The following CDH7 variants were observed in gnomAD, a reference collection of about 807,000 sequenced individuals.
CDH7 encodes the protein cadherin-7.
In CDH7, 25 loss-of-function variants were observed where a neutral mutation model predicts 71.8. The ratio of observed to expected loss-of-function variants is 0.35; its 90% CI spans 0.25 to 0.49. The LOEUF is 0.49. CDH7 is among the 20% of genes least tolerant of loss of function. CDH7 has a pLI of 0.99. For missense variants in CDH7, 862 were observed against 974.6 expected (o/e 0.88, Z 1.54); for synonymous variants, 381 against 363.8 (o/e 1.05, Z -0.54).
upstream of CDH7, chr18:65,750,825 C>A (rs1170758357): frequency 1.3e-5 from 2 of 152,398 alleles, no homozygotes; most frequent in African/African-American, 2.4e-5. Flanking sequence ...GCCGCGCGCT[C>A]CCGCTGGCTC....
At chr18:65,786,129 G>A (rs17783010) in intron 2 of CDH7, among the ~76,000 whole-genome samples, 51,092 of 151,716 alleles carry the variant, frequency 0.34, 8,877 homozygotes, top group Middle Eastern at 0.46. Context: ...AATTTTTACC[G>A]TATTATTTAA....
At chr18:65,780,893 G>A (rs1474561952) in intron 2 of CDH7, among the ~76,000 whole-genome samples, 1 of 147,504 alleles carries the variant, frequency 6.8e-6, no homozygotes, top group Non-Finnish European at 1.5e-5. Flanking sequence ...ACCCTTAACT[G>A]CCTTGTTTGC....
intron 2 of CDH7, among the ~76,000 whole-genome samples, chr18:65,783,720 G>C (rs1013962643): frequency 6.6e-6 from 1 of 152,220 alleles, no homozygotes; most frequent in African/African-American, 2.4e-5. Context: ...TATTTTATTA[G>C]TCTAACCTTT....
chr18:65,777,507 A>C (rs977496314), intron 2 of CDH7, among the ~76,000 whole-genome samples: 1 of 151,962 alleles, frequency 6.6e-6, no homozygotes, highest in Admixed American at 6.6e-5. Context: ...TCAAATGGAT[A>C]TATTTATGTT....
intron 4 of CDH7, among the ~76,000 whole-genome samples, chr18:65,821,356 A>G (rs1333352120): frequency 1.3e-5 from 2 of 152,130 alleles, no homozygotes; most frequent in Admixed American, 1.3e-4. Context: ...TAATTTGTAT[A>G]TATTTTTTTC....
intron 11 of CDH7, among the ~76,000 whole-genome samples, chr18:65,874,515 C>T (rs763240207): frequency 6.6e-6 from 1 of 151,912 alleles, no homozygotes; most frequent in Non-Finnish European, 1.5e-5. Context: ...TTGGAAACTA[C>T]AAAAGGTGGG....
At chr18:65,793,304 G>A (rs1316177257) in intron 2 of CDH7, among the ~76,000 whole-genome samples, 2 of 151,696 alleles carry the variant, frequency 1.3e-5, no homozygotes, top group South Asian at 2.1e-4. Flanking sequence ...GCGGTGTCAC[G>A]TGTGTGTCAT....
At position 65,781,428 on chromosome 18, in the gene CDH7, A is replaced by G. The variant is rs1390489871; in HGVS notation, c.210+18376A>G. ...ATAGCATGAAATAATCTGACCATAC[A>G]TATAAATTACATACAAATATATGCA... On this transcript the variant is annotated intron_variant, in intron 2 of 11. Coordinates refer to ENST00000397968, the MANE Select transcript of CDH7 (RefSeq NM_004361.5). Among the ~76,000 whole-genome samples, 52 of 152,140 alleles carry G rather than the reference A, an allele frequency of 3.4e-4. 1 individual carries two copies. Among genetic ancestry groups the G allele is most frequent in the Admixed American group, 3.4e-3 (52 of 15,272 alleles).
chr18:65,799,298 A>T (rs942509332), intron 2 of CDH7, among the ~76,000 whole-genome samples: 2 of 152,074 alleles, frequency 1.3e-5, no homozygotes, highest in African/African-American at 4.8e-5. Flanking sequence ...TGGGGCAGAC[A>T]TACCTTGTGA....
In CDH7 at chr18:65,862,694, A is replaced by G; in HGVS notation, c.1641A>G (p.Arg547=). ...KDNTASILTR[R]NGFRRQEQSV... ...ACACAGCCTCAATACTGACCAGGAG[A>G]AACGGCTTCCGGAGACAGGAACAAT... The change falls in exon 11 of 12, where the codon AGA becomes AGG. Residue 547 remains arginine (R), a synonymous_variant. Coordinates refer to ENST00000397968, the MANE Select transcript of CDH7 (RefSeq NM_004361.5). 1 of 1,614,178 alleles carries G rather than the reference A, an allele frequency of 6.2e-7. No homozygotes were observed. The highest frequency in any genetic ancestry group is 1.7e-5 in the Admixed American group (1 of 60,036).
At chr18:65,856,738 T>C (rs1402017204) in intron 7 of CDH7, among the ~76,000 whole-genome samples, 1 of 152,080 alleles carries the variant, frequency 6.6e-6, no homozygotes, top group Admixed American at 6.6e-5. Context: ...TTCGTTTAAT[T>C]GTTTGTTTTT....
rs150853760 is a variant in CDH7, at chr18:65,763,042, A to G, written c.200A>G (p.Tyr67Cys). The G allele has an allele frequency of 1.2e-6, 2 of 1,608,714 alleles. No individual in the cohort carries two copies. The highest frequency in any genetic ancestry group is 8.5e-7 in the Non-Finnish European group (1 of 1,176,424). Residue 67 changes from tyrosine to cysteine, a missense_variant, in exon 2 of 12, where the codon TAT becomes TGT. Coordinates refer to ENST00000397968, the MANE Select transcript of CDH7 (RefSeq NM_004361.5). The part of the protein sequence containing the change: ...LEEYMGSDPL[Y>C]VGKLHSDVDK... ...GAATACATGGGTTCAGACCCCCTCTATGTAGGAAAGGTAGGGTATTGTGAC... is the reference window on the plus strand; with the variant it reads ...GAATACATGGGTTCAGACCCCCTCTGTGTAGGAAAGGTAGGGTATTGTGAC...
At chr18:65,759,025 A>G (rs1199258479) in intron 1 of CDH7, among the ~76,000 whole-genome samples, 1 of 152,178 alleles carries the variant, frequency 6.6e-6, no homozygotes, top group East Asian at 1.9e-4. Context: ...AATGACTTTA[A>G]TGTAACCCAT....
rs761721425 is a variant in CDH7 at position 65,809,910 on chromosome 18, T to A, written c.417T>A (p.Phe139Leu). ...TNKPVEPESE[F>L]VIKIQDINDN... ...AACCCGTGGAGCCCGAGTCGGAGTT[T>A]GTCATCAAAATTCAGGATATCAACG... is the stretch of plus-strand genomic sequence containing the variant. The change falls in exon 3 of 12, where the codon TTT (phenylalanine) becomes TTA (leucine). Residue 139 changes from phenylalanine (F) to leucine (L), a missense_variant. Transcript: ENST00000397968. 6.2e-7 allele frequency: 1 copy of A among 1,614,122 alleles called. No homozygotes were observed. Among genetic ancestry groups the A allele is most frequent in the East Asian group, 2.2e-5 (1 of 44,858 alleles).
intron 2 of CDH7, among the ~76,000 whole-genome samples, chr18:65,782,373 G>T (rs1035127912): frequency 6.6e-6 from 1 of 151,804 alleles, no homozygotes. Context: ...TGCCAAGCTG[G>T]TCTTGAACTC....
intron 1 of CDH7, among the ~76,000 whole-genome samples, chr18:65,752,094 A>G (rs970550385): frequency 1.2e-4 from 18 of 152,368 alleles, no homozygotes; most frequent in East Asian, 5.8e-4. Context: ...TTGCTTTGCA[A>G]TAAATATCTT....
rs1488937988 is a variant in CDH7, at chr18:65,888,852, A to G, written c.*7958A>G. 5 of 152,160 alleles carry G rather than the reference A, an allele frequency of 3.3e-5. No individual in the cohort carries two copies. The highest frequency in any genetic ancestry group is 3.3e-4 in the Admixed American group (5 of 15,268). 9.4% of individuals were successfully genotyped at this position (152,160 alleles called of 1,614,324 possible). ...CATTTTGCCCTTTATCTTTTTATTA[A>G]GACTGTCAATAAATGATGGTTTGGT... is the stretch of plus-strand genomic sequence containing the variant. On this transcript the variant is annotated 3_prime_UTR_variant, in exon 12 of 12. Transcript: ENST00000397968.
At chr18:65,859,075 A>G in intron 9 of CDH7, 29 bp downstream of exon 9, 1 of 1,604,004 alleles carries the variant, frequency 6.2e-7, no homozygotes, top group Non-Finnish European at 8.5e-7. Flanking sequence ...CTTTGCTTCT[A>G]ATTTGTGGTT....
Position 65,846,864 on chromosome 18 carries a change from G to T in CDH7, c.1235+2799G>T, listed in dbSNP as rs77881192. The stretch of plus-strand genomic sequence containing the variant: ...AAAGTAAATGAAGCTTTTAAACTGT[G>T]AATCATGACTTGAATATTACCATGT... On this transcript the variant is annotated intron_variant, in intron 7 of 11. Coordinates refer to ENST00000397968, the MANE Select transcript of CDH7 (RefSeq NM_004361.5). 1.7e-3 allele frequency among the ~76,000 whole-genome samples: 262 copies of T among 152,190 alleles called. 1 individual carries two copies. Among genetic ancestry groups the T allele is most frequent in the African/African-American group, 5.9e-3 (245 of 41,522 alleles).
Sources: allele counts gnomAD v4.1 joint callset (sites outside exome capture counted in the v4.1 genomes callset), GRCh38; gene constraint gnomAD v4.1.1; transcripts MANE v1.5; gene names NCBI Gene and HGNC (gene_info 2026-07-23, HGNC 2026-07-21).